MAMDC2: variants seen among roughly 807,000 people sequenced by gnomAD.
MAMDC2 encodes the protein MAM domain-containing protein 2.
Under a neutral mutation model 89.8 loss-of-function variants are expected in MAMDC2, and 57 were observed. The observed-to-expected ratio is 0.63, with a 90% CI of 0.51 to 0.79. The LOEUF (loss-of-function observed/expected upper bound fraction) is 0.79, where lower values mean the gene tolerates loss of function less well. MAMDC2 is among the 30% of genes least tolerant of loss of function. The probability of loss-of-function intolerance (pLI) is 0.00; values close to 1 mark genes in which losing one functional copy is unlikely to be tolerated. For missense variants in MAMDC2, 800 were observed against 820.6 expected, an observed-to-expected ratio of 0.97 and a Z score of 0.31; for synonymous variants, 313 against 293.4, an observed-to-expected ratio of 1.07 and a Z score of -0.68.
chr9:70,128,299 C>T (rs1305476288), intron 6 of MAMDC2, among the ~76,000 whole-genome samples: 1 of 152,228 alleles, frequency 6.6e-6, no homozygotes, highest in Non-Finnish European at 1.5e-5. Context: ...TTGCCATTCA[C>T]TTTCTTTACC....
At position 70,170,781 on chromosome 9, in the gene MAMDC2, A is replaced by G. The variant is rs929104331; in HGVS notation, c.1651+150A>G. ...TTCTACACACACAGGATGATTTGAT[A>G]TGGGCATTGAATATCTCATCCTTTC... On this transcript the variant is annotated intron_variant, in intron 11 of 13. Coordinates refer to ENST00000377182, the MANE Select transcript of MAMDC2 (RefSeq NM_153267.5). 1.8e-5 allele frequency: 12 copies of G among 662,166 alleles called. No individual in the cohort carries two copies. The Middle Eastern group carries it at 1.3e-3, about 70-fold the overall frequency. The allele number at this position is 662,166 out of a possible 1,614,324, so 41.0% of individuals were successfully genotyped here.
At chr9:70,156,200 A>G (rs1036107279) in intron 9 of MAMDC2, among the ~76,000 whole-genome samples, 1 of 152,202 alleles carries the variant, frequency 6.6e-6, no homozygotes, top group African/African-American at 2.4e-5. Context: ...AGGAAAAAAA[A>G]AGTTGAAATT....
intron 6 of MAMDC2, among the ~76,000 whole-genome samples, chr9:70,128,359 T>C (rs993463848): frequency 3.9e-5 from 6 of 152,196 alleles, no homozygotes; most frequent in African/African-American, 1.4e-4. Context: ...AAGTTTGTAA[T>C]GTTAATTTGC....
intron 4 of MAMDC2, 128 bp from the exon 5 acceptor site, chr9:70,112,867 G>C: frequency 1.7e-6 from 2 of 1,143,696 alleles, no homozygotes; most frequent in Non-Finnish European, 2.5e-6. Flanking sequence ...CAGGGGTCCT[G>C]GTAGAAAGGT....
chr9:70,150,084 G>C (rs2031536349), intron 9 of MAMDC2, among the ~76,000 whole-genome samples: 1 of 152,138 alleles, frequency 6.6e-6, no homozygotes, highest in Non-Finnish European at 1.5e-5. Context: ...CAGATCAGTA[G>C]TCCTCATGTG....
intron 12 of MAMDC2, among the ~76,000 whole-genome samples, chr9:70,219,435 A>G (rs1401923927): frequency 6.6e-6 from 1 of 151,882 alleles, no homozygotes; most frequent in African/African-American, 2.4e-5. Flanking sequence ...TGGCTGATAA[A>G]CCTCCTGGAC....
intron 11 of MAMDC2, among the ~76,000 whole-genome samples, chr9:70,202,348 A>G (rs1190448121): frequency 6.6e-6 from 1 of 152,044 alleles, no homozygotes; most frequent in Non-Finnish European, 1.5e-5. Flanking sequence ...TTCAGTTTCC[A>G]TGTAGTTGAG....
intron 7 of MAMDC2, among the ~76,000 whole-genome samples, chr9:70,138,040 C>T (rs1274278088): frequency 1.3e-5 from 2 of 152,102 alleles, no homozygotes; most frequent in East Asian, 1.9e-4. Context: ...TAATTTCTTA[C>T]CTTCCATACC....
Position 70,211,833 on chromosome 9 carries a change from TTTTC to T in MAMDC2, c.1652-6498_1652-6495del, listed in dbSNP as rs577843613. ...TGTGGATGTCCTTTCTGTTCATTAG[TTTTC>T]TTTCTAACAGTCAGGACCCTCAACT... On this transcript the variant is annotated intron_variant, in intron 11 of 13. Transcript: ENST00000377182. Among the ~76,000 whole-genome samples, 599 of 152,322 alleles carry T rather than the reference TTTTC, an allele frequency of 3.9e-3. 3 individuals are homozygous for T. The highest frequency in any genetic ancestry group is 0.013 in the African/African-American group (554 of 41,562).
Position 70,108,520 on chromosome 9 carries a change from T to C in MAMDC2, c.420+38T>C, listed in dbSNP as rs1828407758. On this transcript the variant is annotated intron_variant, in intron 3 of 13. Transcript: ENST00000377182. ...TAGGAGAAAGATATAAGGCCTATTA[T>C]CTTTGCTTTATACTATTCTAAAATC... 5 of 1,520,252 alleles carry C rather than the reference T, an allele frequency of 3.3e-6. No homozygotes were observed. In the South Asian group the frequency reaches 4.0e-5, roughly 12 times the overall value. 94.2% of individuals were successfully genotyped at this position (1,520,252 alleles called of 1,614,324 possible). A position where few individuals can be genotyped will look rare whatever the true frequency, so the allele number is the denominator to read the frequency against.
intron 9 of MAMDC2, among the ~76,000 whole-genome samples, chr9:70,167,853 A>T (rs184131005): frequency 2.0e-4 from 31 of 152,304 alleles, no homozygotes; most frequent in African/African-American, 7.0e-4. Context: ...TATTAGTGAC[A>T]CCAACTGGGA....
At chr9:70,187,638 C>T (rs1406066489) in intron 11 of MAMDC2, among the ~76,000 whole-genome samples, 4 of 152,084 alleles carry the variant, frequency 2.6e-5, no homozygotes, top group Admixed American at 2.0e-4. Context: ...TCCCTCTTTA[C>T]CCCACCCCCA....
chr9:70,222,495 G>A (rs913409858), intron 12 of MAMDC2, among the ~76,000 whole-genome samples: 6 of 152,110 alleles, frequency 3.9e-5, no homozygotes, highest in African/African-American at 1.2e-4. Flanking sequence ...GGGAAAATAT[G>A]TGGGTGGCCT....
chr9:70,080,497 C>T (rs960458008), intron 2 of MAMDC2, among the ~76,000 whole-genome samples: 1 of 152,118 alleles, frequency 6.6e-6, no homozygotes, highest in Non-Finnish European at 1.5e-5. Flanking sequence ...AATCATTTTC[C>T]TGTTGCTGGA....
At chr9:70,159,966 C>T (rs1280694878) in intron 9 of MAMDC2, among the ~76,000 whole-genome samples, 1 of 151,594 alleles carries the variant, frequency 6.6e-6, no homozygotes, top group Non-Finnish European at 1.5e-5. Context: ...AATCCCAGCA[C>T]TTTGGGAGGG....
chr9:70,074,714 C>T (rs182976536), intron 2 of MAMDC2, among the ~76,000 whole-genome samples: 7 of 152,166 alleles, frequency 4.6e-5, no homozygotes, highest in East Asian at 3.8e-4. Context: ...AGTGTCTGTG[C>T]GCTTGAGGGA....
intron 11 of MAMDC2, among the ~76,000 whole-genome samples, chr9:70,182,520 C>T (rs988829450): frequency 1.3e-5 from 2 of 152,086 alleles, no homozygotes; most frequent in African/African-American, 2.4e-5. Context: ...TTAATTACTG[C>T]CTTAATTTCA....
chr9:70,121,402 A>T (rs983774232), intron 5 of MAMDC2, among the ~76,000 whole-genome samples: 4 of 150,512 alleles, frequency 2.7e-5, no homozygotes, highest in Non-Finnish European at 5.9e-5. Flanking sequence ...CTGAATTTGA[A>T]TTTTTTTTTT....
At chr9:70,122,917 T>C (rs2030351261) in intron 5 of MAMDC2, among the ~76,000 whole-genome samples, 1 of 152,134 alleles carries the variant, frequency 6.6e-6, no homozygotes, top group Admixed American at 6.5e-5. Flanking sequence ...GCAGACAGAA[T>C]GGCCTGCCCC....
Sources: gnomAD v4.1 joint callset for allele counts (sites outside exome capture counted in the v4.1 genomes callset) on GRCh38, gnomAD v4.1.1 for gene constraint, MANE v1.5 for transcripts, NCBI Gene and HGNC (gene_info 2026-07-23, HGNC 2026-07-21) for gene names.